Variants in OCA2 observed in about 807,000 individuals in gnomAD.
OCA2 encodes P protein.
A neutral mutation model predicts 100.2 loss-of-function variants in OCA2; 77 were observed. That is an observed-to-expected ratio of 0.77 (90% confidence interval 0.64 to 0.93). The LOEUF is 0.93. Ranked by LOEUF, OCA2 falls within the 40% of genes least tolerant of loss-of-function variation. The pLI is 0.00. For missense variants in OCA2, 1,062 were observed against 1,089.1 expected (o/e 0.98, Z 0.35); for synonymous variants, 432 against 439.2 (o/e 0.98, Z 0.21).
rs778806416 is a variant in OCA2 at position 27,851,366 on chromosome 15, G to A, written c.2338+16C>T. On this transcript the variant is annotated intron_variant, in intron 22 of 23. Coordinates refer to ENST00000354638, the MANE Select transcript of OCA2 (RefSeq NM_000275.3). Reference sequence around the variant, plus strand: ...GGGCGTGCACCCCCACCCCCATGCAGTCAGCAGCCCCTTACCTCCCAGGCA... The same window carrying A: ...GGGCGTGCACCCCCACCCCCATGCAATCAGCAGCCCCTTACCTCCCAGGCA... 5.0e-6 allele frequency: 8 copies of A among 1,610,016 alleles called. No homozygotes were observed. The highest frequency in any genetic ancestry group is 6.8e-6 in the Non-Finnish European group (8 of 1,176,994).
At chr15:28,038,188 C>CTGTGGT (rs1484015847) in intron 2 of OCA2, among the ~76,000 whole-genome samples, 1 of 152,138 alleles carries the variant, frequency 6.6e-6, no homozygotes, top group Non-Finnish European at 1.5e-5. Flanking sequence ...AAAAAGCAAA[C>CTGTGGT]TAGCAGGCAG....
intron 2 of OCA2, among the ~76,000 whole-genome samples, chr15:28,032,792 CAAAAA>C (rs34369918): frequency 1.9e-5 from 2 of 107,548 alleles, no homozygotes; most frequent in East Asian, 2.7e-4. Flanking sequence ...GACTCTGTCT[CAAAAA>C]AAAAAAAAAA....
chr15:28,094,939 C>T lies in OCA2; in HGVS notation c.-22+4285G>A, dbSNP rs368326577. ...GCGCCGGGCGTGGTCCTGACACCTG[C>T]CCTGCCGGGAAGGGGACGGCGTTCC... On this transcript the variant is annotated intron_variant, in intron 1 of 23. Transcript: ENST00000354638. Among the ~76,000 whole-genome samples, 25 of 152,348 alleles carry T rather than the reference C, an allele frequency of 1.6e-4. 1 individual carries two copies. The highest frequency in any genetic ancestry group is 6.8e-3 in the Middle Eastern group (2 of 292).
intron 11 of OCA2, among the ~76,000 whole-genome samples, chr15:27,989,284 A>G (rs2041465245): frequency 1.3e-5 from 2 of 151,578 alleles, no homozygotes; most frequent in South Asian, 2.1e-4. Flanking sequence ...TCCCACTGAA[A>G]CTCCTACATG....
intron 2 of OCA2, among the ~76,000 whole-genome samples, chr15:28,048,135 A>T (rs893250144): frequency 6.6e-6 from 1 of 152,230 alleles, no homozygotes; most frequent in African/African-American, 2.4e-5. Flanking sequence ...TAAATAAATT[A>T]AAATGCACCC....
At chr15:27,993,881 C>T (rs2041636047) in intron 9 of OCA2, among the ~76,000 whole-genome samples, 1 of 152,104 alleles carries the variant, frequency 6.6e-6, no homozygotes, top group Non-Finnish European at 1.5e-5. Flanking sequence ...GATGATCCGC[C>T]TCTAGGATGT....
Position 27,773,174 on chromosome 15 carries a change from T to C in OCA2, c.2433-17702A>G, listed in dbSNP as rs377553433. Among the ~76,000 whole-genome samples the C allele has an allele frequency of 3.9e-4, 60 of 152,336 alleles. No individual in the cohort carries two copies. The South Asian group carries it at 0.012, about 30-fold the overall frequency. On this transcript the variant is annotated intron_variant, in intron 23 of 23. Coordinates refer to ENST00000354638, the MANE Select transcript of OCA2 (RefSeq NM_000275.3). ...TCTCTCAAGTTACTCTGATCAGTTT[T>C]AAAGTAGAATCCAGTTAGAAATTTA...
intron 18 of OCA2, among the ~76,000 whole-genome samples, chr15:27,951,040 T>G (rs1244582261): frequency 6.6e-6 from 1 of 152,198 alleles, no homozygotes; most frequent in Non-Finnish European, 1.5e-5. Context: ...GGGTTTTGTT[T>G]TGTTTTCAAT....
At chr15:27,962,534 A>G (rs1185240755) in intron 15 of OCA2, among the ~76,000 whole-genome samples, 1 of 152,208 alleles carries the variant, frequency 6.6e-6, no homozygotes, top group Non-Finnish European at 1.5e-5. Context: ...CAGGAGAAGA[A>G]GCCTAGGCCA....
At chr15:27,816,576 C>A (rs895310023) in intron 23 of OCA2, among the ~76,000 whole-genome samples, 1 of 152,094 alleles carries the variant, frequency 6.6e-6, no homozygotes, top group African/African-American at 2.4e-5. Context: ...AATAAAGCTG[C>A]GTGACTTCGC....
At chr15:27,900,163 T>G (rs2037869775) in intron 19 of OCA2, among the ~76,000 whole-genome samples, 1 of 152,148 alleles carries the variant, frequency 6.6e-6, no homozygotes, top group Non-Finnish European at 1.5e-5. Flanking sequence ...AGTAGGGACT[T>G]TCCCCTCTAG....
chr15:27,785,483 C>T (rs989702053), intron 23 of OCA2, among the ~76,000 whole-genome samples: 5 of 152,130 alleles, frequency 3.3e-5, no homozygotes, highest in Non-Finnish European at 5.9e-5. Context: ...ATTAAAGATA[C>T]TCAATATTAC....
At chr15:27,990,436 C>G (rs1167270384) in intron 10 of OCA2, 140 bp downstream of exon 10, 1 of 832,748 alleles carries the variant, frequency 1.2e-6, no homozygotes, top group African/African-American at 1.6e-5. Flanking sequence ...TAGTTCATAC[C>G]TCTAGCATGG....
intron 2 of OCA2, among the ~76,000 whole-genome samples, chr15:28,073,016 T>A (rs918076170): frequency 1.3e-5 from 2 of 152,236 alleles, no homozygotes; most frequent in Admixed American, 1.3e-4. Context: ...ACTGCACTAT[T>A]CATAATAACA....
At chr15:27,917,743 C>G (rs2038718005) in intron 19 of OCA2, among the ~76,000 whole-genome samples, 1 of 152,144 alleles carries the variant, frequency 6.6e-6, no homozygotes. Flanking sequence ...GATAAAATAA[C>G]AGAGTTGAAA....
chr15:28,070,279 C>T (rs1291525207), intron 2 of OCA2, among the ~76,000 whole-genome samples: 100 of 141,482 alleles, frequency 7.1e-4, no homozygotes, highest in African/African-American at 2.6e-3. Flanking sequence ...GGAGCGTCTC[C>T]GCCCGGCAGC....
At chr15:27,872,819 A>G (rs2036636616) in intron 19 of OCA2, among the ~76,000 whole-genome samples, 2 of 151,404 alleles carry the variant, frequency 1.3e-5, no homozygotes, top group African/African-American at 4.9e-5. Flanking sequence ...CCTCCCAAGT[A>G]GCTGGGATTA....
chr15:27,898,604 GA>G, intron 19 of OCA2, among the ~76,000 whole-genome samples: 1 of 152,232 alleles, frequency 6.6e-6, no homozygotes, highest in African/African-American at 2.4e-5. Context: ...AGCAGCGTGA[GA>G]ACAGACTAAT....
intron 2 of OCA2, among the ~76,000 whole-genome samples, chr15:28,079,915 C>G (rs2044564871): frequency 6.6e-6 from 1 of 152,196 alleles, no homozygotes; most frequent in Admixed American, 6.5e-5. Flanking sequence ...CCTGGCTGCC[C>G]AGGGCCTCCT....
Sources: gnomAD v4.1 joint callset for allele counts (sites outside exome capture counted in the v4.1 genomes callset) on GRCh38, gnomAD v4.1.1 for gene constraint, MANE v1.5 for transcripts, NCBI Gene and HGNC (gene_info 2026-07-23, HGNC 2026-07-21) for gene names.